Variants in EDC3 observed in about 807,000 individuals in gnomAD.
EDC3 encodes the protein enhancer of mRNA decapping 3, also known as enhancer of mRNA-decapping protein 3.
A neutral mutation model predicts 41.8 loss-of-function variants in EDC3; 20 were observed. That is an observed-to-expected ratio of 0.48 (90% CI 0.34 to 0.70). The LOEUF is 0.70. EDC3 is among the 30% of genes least tolerant of loss of function. The pLI, the probability that EDC3 is intolerant of heterozygous loss-of-function variation, is 0.01. For missense variants in EDC3, 444 were observed against 636.8 expected (o/e 0.70, Z 3.26); for synonymous variants, 206 against 243.2 (o/e 0.85, Z 1.42).
At chr15:74,646,413 G>A (rs1303217599) in intron 4 of EDC3, among the ~76,000 whole-genome samples, 3 of 152,122 alleles carry the variant, frequency 2.0e-5, no homozygotes, top group Non-Finnish European at 4.4e-5. Context: ...AAAATACATA[G>A]GTGCAAACTT....
chr15:74,672,327 C>T (rs1202617545), intron 2 of EDC3, among the ~76,000 whole-genome samples: 1 of 148,914 alleles, frequency 6.7e-6, no homozygotes, highest in Non-Finnish European at 1.5e-5. Flanking sequence ...ATTAATCTTA[C>T]ATTCCCACAA....
chr15:74,647,873 G>A (rs1320435228), intron 4 of EDC3, among the ~76,000 whole-genome samples: 3 of 152,224 alleles, frequency 2.0e-5, no homozygotes, highest in Non-Finnish European at 4.4e-5. Context: ...TTTATCCAGT[G>A]CAGGTGTTCT....
At chr15:74,684,092 T>G (rs1284440305) in intron 1 of EDC3, among the ~76,000 whole-genome samples, 2 of 149,136 alleles carry the variant, frequency 1.3e-5, no homozygotes, top group African/African-American at 4.9e-5. Flanking sequence ...CTGTTTTTTT[T>G]TTTTTTTTTT....
At chr15:74,641,092 CT>C (rs764184807) in intron 4 of EDC3, 25 of 163,958 alleles carry the variant, frequency 1.5e-4, no homozygotes, top group Non-Finnish European at 3.0e-4. Context: ...CCTCTGGTCC[CT>C]GCTGTTCTCC....
intron 5 of EDC3, 193 bp from the exon 6 acceptor site, chr15:74,635,819 C>T: frequency 1.7e-6 from 1 of 598,484 alleles, no homozygotes. Context: ...GTCCCAAACC[C>T]CAACCTCACA....
intron 4 of EDC3, among the ~76,000 whole-genome samples, chr15:74,652,429 C>T (rs1472432740): frequency 1.3e-5 from 2 of 151,954 alleles, no homozygotes; most frequent in Non-Finnish European, 2.9e-5. Flanking sequence ...GGGGTTTCAC[C>T]GTGTTAGCCA....
At chr15:74,658,025 A>G (rs1047022130) in intron 3 of EDC3, among the ~76,000 whole-genome samples, 1 of 152,122 alleles carries the variant, frequency 6.6e-6, no homozygotes, top group Non-Finnish European at 1.5e-5. Context: ...GCTACTACAC[A>G]TCAGTCAACA....
intron 4 of EDC3, chr15:74,641,481 C>T (rs1177931009): frequency 6.5e-6 from 1 of 152,782 alleles, no homozygotes; most frequent in African/African-American, 2.4e-5. Context: ...AGGAAAGAAA[C>T]AGCAAACCCA....
chr15:74,671,703 A>G lies in EDC3; in HGVS notation c.236T>C (p.Leu79Pro). 1.2e-6 allele frequency: 2 copies of G among 1,614,158 alleles called. No individual in the cohort carries two copies. The highest frequency in any genetic ancestry group is 1.7e-6 in the Non-Finnish European group (2 of 1,180,026). ...AGAGGGGCCTAATTCTGTTTGATGA[A>G]GGTCTCCAAAATGTTGGTTGTCTCC... Reference protein sequence around the residue: ...GPGDNQHFGDLHQTELGPSGA... With the variant: ...GPGDNQHFGDPHQTELGPSGA... The change falls in exon 3 of 7, where the codon CTT becomes CCT. Residue 79 changes from leucine (L) to proline (P), a missense_variant. By Grantham distance (98) the Leu-to-Pro change is moderately conservative. Transcript: ENST00000315127. This position sits in a 1 kb window ranked among gnomAD's most constrained non-coding sequence, Gnocchi z 4.6.
intron 1 of EDC3, among the ~76,000 whole-genome samples, chr15:74,682,745 G>A (rs954294919): frequency 4.6e-5 from 7 of 152,150 alleles, no homozygotes; most frequent in African/African-American, 1.7e-4. Flanking sequence ...TACGTGGGCT[G>A]GGCGCAGTGG....
chr15:74,659,696 C>A (rs1432050769), intron 3 of EDC3, among the ~76,000 whole-genome samples: 4 of 151,100 alleles, frequency 2.6e-5, no homozygotes, highest in African/African-American at 4.9e-5. Flanking sequence ...CATAGTGGGA[C>A]CCCTGTCTTT....
intron 3 of EDC3, among the ~76,000 whole-genome samples, chr15:74,670,000 C>T (rs893734242): frequency 3.6e-4 from 54 of 149,852 alleles, no homozygotes; most frequent in Middle Eastern, 3.5e-3. Flanking sequence ...CACGCTGCCA[C>T]GCCCAGCTAA....
chr15:74,691,855 C>T (rs1347438940), intron 1 of EDC3, among the ~76,000 whole-genome samples: 1 of 152,060 alleles, frequency 6.6e-6, no homozygotes, highest in African/African-American at 2.4e-5. Flanking sequence ...CTTGCTCTGT[C>T]GTCCAGGCTG....
In EDC3 at chr15:74,646,122, G is replaced by T. The variant is rs188750018; in HGVS notation, c.821-5503C>A. Among the ~76,000 whole-genome samples, 147 of 150,304 alleles carry T rather than the reference G, an allele frequency of 9.8e-4. 2 individuals carry two copies. The South Asian group carries it at 0.02, about 21-fold the overall frequency. On this transcript the variant is annotated intron_variant, in intron 4 of 6. Transcript: ENST00000315127. ...AGTTTCACTCTTGTTATCCAGGCTG[G>T]AGTGCAATGGTATGATCTCGGCTCA...
chr15:74,678,719 G>T (rs1314203577), intron 1 of EDC3, among the ~76,000 whole-genome samples: 1 of 142,480 alleles, frequency 7.0e-6, no homozygotes, highest in Non-Finnish European at 1.5e-5. Context: ...GTGAAACCCT[G>T]CCTCTACTAA....
intron 3 of EDC3, among the ~76,000 whole-genome samples, chr15:74,662,418 AAT>A (rs1169728314): frequency 2.8e-3 from 423 of 149,414 alleles, no homozygotes; most frequent in Admixed American, 4.4e-3. Flanking sequence ...TAAAAACAGC[AAT>A]ATATATATAT....
intron 1 of EDC3, among the ~76,000 whole-genome samples, chr15:74,686,468 C>T (rs1357950450): frequency 6.6e-6 from 1 of 150,840 alleles, no homozygotes. Flanking sequence ...GCCTGGGCAA[C>T]AAGAACAAGA....
chr15:74,648,532 C>T (rs978386199), intron 4 of EDC3, among the ~76,000 whole-genome samples: 2 of 152,228 alleles, frequency 1.3e-5, no homozygotes, highest in African/African-American at 4.8e-5. Flanking sequence ...GCTTCACCAG[C>T]TGCCTCCCTT....
At chr15:74,641,303 T>C (rs969494211) in intron 4 of EDC3, 1 of 152,230 alleles carries the variant, frequency 6.6e-6, no homozygotes, top group Non-Finnish European at 1.5e-5. Context: ...AAGTAAGCTA[T>C]GGCTGGCTTT....
Sources: gnomAD v4.1 joint callset for allele counts (sites outside exome capture counted in the v4.1 genomes callset) on GRCh38, gnomAD v4.1.1 for gene constraint, Gnocchi (gnomAD v3.1) non-coding constraint, MANE v1.5 for transcripts, NCBI Gene and HGNC (gene_info 2026-07-23, HGNC 2026-07-21) for gene names.